Variants in KALRN observed in about 807,000 individuals in gnomAD.
KALRN encodes kalirin RhoGEF kinase.
Under a neutral mutation model 353.7 loss-of-function variants are expected in KALRN, and 70 were observed. That is an observed-to-expected ratio of 0.20 (90% confidence interval 0.16 to 0.24). The LOEUF (loss-of-function observed/expected upper bound fraction) is 0.24, where lower values mean the gene tolerates loss of function less well. Among genes scored for constraint, KALRN ranks in the 10% least tolerant of loss-of-function variants. The pLI is 1.00. For synonymous variants in KALRN, 1,391 were observed against 1,434.8 expected (o/e 0.97, Z 0.69); for missense variants, 2,791 against 3,756.7 (o/e 0.74, Z 6.72).
In KALRN at chr3:124,074,078, G is replaced by A. The variant is rs143839473; in HGVS notation, c.73+40265G>A. Among the ~76,000 whole-genome samples, 246 of 152,118 alleles carry A rather than the reference G, an allele frequency of 1.6e-3. 2 individuals carry two copies. Among genetic ancestry groups the A allele is most frequent in the Non-Finnish European group, 2.8e-3 (193 of 68,008 alleles). ...CAGGTTGGAGGTAGTAGGACAAGCAGACTAGATGGATGGGATAGGTTACAA... is the reference window on the plus strand; with the variant it reads ...CAGGTTGGAGGTAGTAGGACAAGCAAACTAGATGGATGGGATAGGTTACAA... On this transcript the variant is annotated intron_variant, in intron 1 of 59. Coordinates refer to ENST00000682506, the MANE Select transcript of KALRN (RefSeq NM_001388419.1).
intron 1 of KALRN, among the ~76,000 whole-genome samples, chr3:124,187,709 G>C (rs1161150538): frequency 6.6e-6 from 1 of 152,186 alleles, no homozygotes; most frequent in African/African-American, 2.4e-5. Flanking sequence ...AGAGTGCCAA[G>C]GTGAAATAAA....
chr3:124,657,598 G>A (rs2084233238), intron 40 of KALRN, 47 bp downstream of exon 40: 4 of 1,490,412 alleles, frequency 2.7e-6, no homozygotes, highest in African/African-American at 1.4e-5. Flanking sequence ...GGGAATCCAG[G>A]ACTTGAGTCC....
intron 1 of KALRN, among the ~76,000 whole-genome samples, chr3:124,153,805 C>A (rs1380303267): frequency 6.6e-6 from 1 of 151,960 alleles, no homozygotes; most frequent in Non-Finnish European, 1.5e-5. Flanking sequence ...TTAATGATTG[C>A]CATTCTAACT....
chr3:124,640,291 T>C (rs2081897352), intron 37 of KALRN, among the ~76,000 whole-genome samples: 2 of 148,954 alleles, frequency 1.3e-5, no homozygotes, highest in African/African-American at 4.9e-5. Context: ...TCTTTCTTTT[T>C]TTTTTTTTTT....
At chr3:124,422,718 G>A in intron 14 of KALRN, 94 bp from the exon 15 acceptor site, 2 of 1,038,864 alleles carry the variant, frequency 1.9e-6, no homozygotes, top group South Asian at 1.6e-5. Context: ...AATAATGGCT[G>A]TTTCCAAATT....
intron 1 of KALRN, among the ~76,000 whole-genome samples, chr3:124,184,626 C>T (rs2073995428): frequency 1.3e-5 from 2 of 152,160 alleles, no homozygotes; most frequent in South Asian, 2.1e-4. Flanking sequence ...CCTTTCCTGA[C>T]CCTCCTGCCC....
intron 1 of KALRN, among the ~76,000 whole-genome samples, chr3:124,192,360 G>A (rs2150321829): frequency 6.6e-6 from 1 of 152,258 alleles, no homozygotes; most frequent in East Asian, 1.9e-4. Flanking sequence ...GTACAAGGAT[G>A]GTTACTAGAG....
intron 13 of KALRN, among the ~76,000 whole-genome samples, chr3:124,402,475 A>G (rs533014357): frequency 7.2e-5 from 11 of 152,360 alleles, no homozygotes; most frequent in African/African-American, 2.2e-4. Flanking sequence ...TTCACCAAAT[A>G]CAAATGTTTA....
At chr3:124,109,771 T>C (rs13059844) in intron 1 of KALRN, among the ~76,000 whole-genome samples, 67,514 of 103,174 alleles carry the variant, frequency 0.65, 24,162 homozygotes, top group Non-Finnish European at 0.77. Flanking sequence ...TTGATATATA[T>C]ATGACATATA....
chr3:124,477,838 G>GA (rs149311845), intron 27 of KALRN, among the ~76,000 whole-genome samples: 7,663 of 149,170 alleles, frequency 0.051, 375 homozygotes, highest in African/African-American at 0.13. Context: ...ACCTTTTTTG[G>GA]AAAAAAAAAA....
chr3:124,216,690 C>T (rs1002285520), intron 1 of KALRN, among the ~76,000 whole-genome samples: 4 of 152,222 alleles, frequency 2.6e-5, no homozygotes, highest in Non-Finnish European at 5.9e-5. Context: ...ATCACCCCTT[C>T]TTTCCTATTT....
In KALRN at chr3:124,712,997, A is replaced by G; in HGVS notation, c.8138A>G (p.Lys2713Arg). 1 of 1,614,150 alleles carries G rather than the reference A, an allele frequency of 6.2e-7. No homozygotes were observed. Among genetic ancestry groups the G allele is most frequent in the Non-Finnish European group, 8.5e-7 (1 of 1,180,004 alleles). Residue 2713 changes from lysine to arginine, a missense_variant, in exon 58 of 60, where the codon AAA becomes AGA. By Grantham distance (26) the Lys-to-Arg change is conservative (BLOSUM62 2). This residue lies in a region of KALRN where 188 missense variants were observed against 402.9 expected (regional missense o/e 0.47). Transcript: ENST00000682506. ...GCTACCCGCAAAGATGTGGCTGTGA[A>G]ATTTGTTAGCAAAAAAATGAAGAAG... Reference protein sequence around the residue: ...HKATRKDVAVKFVSKKMKKKE... With the variant: ...HKATRKDVAVRFVSKKMKKKE...
chr3:124,405,546 G>C (rs2091421614), intron 13 of KALRN, among the ~76,000 whole-genome samples: 1 of 151,362 alleles, frequency 6.6e-6, no homozygotes, highest in Non-Finnish European at 1.5e-5. Flanking sequence ...AATGATAAAA[G>C]GCAAAGGTAT....
intron 6 of KALRN, among the ~76,000 whole-genome samples, chr3:124,324,814 T>C (rs1347826749): frequency 6.6e-6 from 1 of 152,236 alleles, no homozygotes; most frequent in Non-Finnish European, 1.5e-5. Flanking sequence ...TCAGTATTAA[T>C]GAACTACATC....
At position 124,720,683 on chromosome 3, in the gene KALRN, T is replaced by C. The variant is rs989039999; in HGVS notation, c.*1213T>C. The stretch of plus-strand genomic sequence containing the variant: ...CTGTCACCATGCAGCCGCTGATAGT[T>C]CTCTGAACTAAAAGGACTAATTGTA... On this transcript the variant is annotated 3_prime_UTR_variant, in exon 60 of 60. Coordinates refer to ENST00000682506, the MANE Select transcript of KALRN (RefSeq NM_001388419.1). 1 of 152,470 alleles carries C rather than the reference T, an allele frequency of 6.6e-6. No individual in the cohort carries two copies. Among genetic ancestry groups the C allele is most frequent in the Non-Finnish European group, 1.5e-5 (1 of 68,030 alleles). 9.4% of individuals were successfully genotyped at this position (152,470 alleles called of 1,614,324 possible).
chr3:124,238,928 C>T (rs1336965666), intron 3 of KALRN, among the ~76,000 whole-genome samples: 1 of 152,174 alleles, frequency 6.6e-6, no homozygotes, highest in African/African-American at 2.4e-5. Flanking sequence ...TCATAGGTAA[C>T]AGGGTGGGAA....
intron 28 of KALRN, among the ~76,000 whole-genome samples, chr3:124,485,503 T>A (rs2062463620): frequency 6.6e-6 from 1 of 152,150 alleles, no homozygotes; most frequent in Non-Finnish European, 1.5e-5. Context: ...TTAGGAAGAA[T>A]TGCCTATAGA....
chr3:124,574,414 C>T (rs2073873894), intron 34 of KALRN, among the ~76,000 whole-genome samples: 1 of 152,182 alleles, frequency 6.6e-6, no homozygotes, highest in African/African-American at 2.4e-5. Flanking sequence ...TGTTTTCATG[C>T]CTGCTGGTGC....
intron 57 of KALRN, among the ~76,000 whole-genome samples, chr3:124,706,838 G>T (rs2062642069): frequency 6.6e-6 from 1 of 151,782 alleles, no homozygotes; most frequent in African/African-American, 2.4e-5. Context: ...CCAAAGTGCT[G>T]GGATTACAGG....
Sources: gnomAD v4.1 joint callset for allele counts (sites outside exome capture counted in the v4.1 genomes callset) on GRCh38, gnomAD v4.1.1 for gene constraint, gnomAD v4.1.1 regional missense constraint, MANE v1.5 for transcripts, NCBI Gene and HGNC (gene_info 2026-07-23, HGNC 2026-07-21) for gene names.